P4HA1: variants seen among roughly 807,000 people sequenced by gnomAD.
The protein encoded by P4HA1 is prolyl 4-hydroxylase subunit alpha-1.
In P4HA1, 24 loss-of-function variants were observed where a neutral mutation model predicts 72.8. The observed-to-expected ratio is 0.33, with a 90% CI of 0.24 to 0.46. The LOEUF (loss-of-function observed/expected upper bound fraction) is 0.46. P4HA1 is among the 20% of genes least tolerant of loss of function. The probability of loss-of-function intolerance (pLI) is 1.00; values close to 1 mark genes in which losing one functional copy is unlikely to be tolerated. For synonymous variants in P4HA1, 201 were observed against 218.8 expected, an observed-to-expected ratio of 0.92 and a Z score of 0.72; for missense variants, 446 against 640.6, an observed-to-expected ratio of 0.70 and a Z score of 3.28.
At chr10:73,075,388 T>C (rs1357892376) in intron 1 of P4HA1, among the ~76,000 whole-genome samples, 2 of 152,124 alleles carry the variant, frequency 1.3e-5, no homozygotes, top group Non-Finnish European at 2.9e-5. Context: ...GGATTATAAG[T>C]GTGAGCCAAC....
At chr10:73,082,014 T>C (rs1334277242) in intron 1 of P4HA1, among the ~76,000 whole-genome samples, 2 of 152,348 alleles carry the variant, frequency 1.3e-5, no homozygotes, top group Middle Eastern at 3.4e-3. Context: ...AGACTCCGTC[T>C]CAAAACAAAA....
rs202243570 is a variant in P4HA1, at chr10:73,053,505, C to T, written c.549G>A (p.Thr183=). The T allele has an allele frequency of 1.3e-4, 211 of 1,613,900 alleles. No individual in the cohort carries two copies. Among genetic ancestry groups the T allele is most frequent in the Middle Eastern group, 1.6e-4 (1 of 6,084 alleles). The change falls in exon 6 of 15, where the codon ACG becomes ACA. Residue 183 remains threonine, a synonymous_variant. Coordinates refer to ENST00000394890, the MANE Select transcript of P4HA1 (RefSeq NM_001017962.3). ...TTAGGGCTTGTTCCATCCACAGTTC[C>T]GTATGGTAATAATCTGCTTCTGTAT... ...VAYTEADYYH[T]ELWMEQALRQ...
chr10:73,009,880 A>T lies in P4HA1; in HGVS notation c.1461T>A (p.Asn487Lys). ...AATCTCCTTCTCCACTGGCAAACAG[A>T]TTATACCAGAAAACAGCAGTTCCCT... ...PKKGTAVFWY[N>K]LFASGEGDYS... is the part of the protein sequence containing the mutation. Residue 487 changes from asparagine to lysine, a missense_variant, in exon 14 of 15, where the codon AAT becomes AAA. By Grantham distance (94) the Asn-to-Lys change is moderately conservative. Coordinates refer to ENST00000394890, the MANE Select transcript of P4HA1 (RefSeq NM_001017962.3). The T allele has an allele frequency of 6.2e-7, 1 of 1,607,994 alleles. No homozygotes were observed. The highest frequency in any genetic ancestry group is 2.2e-5 in the East Asian group (1 of 44,844).
chr10:73,031,255 G>A (rs1163105378), intron 9 of P4HA1, among the ~76,000 whole-genome samples: 1 of 152,150 alleles, frequency 6.6e-6, no homozygotes, highest in African/African-American at 2.4e-5. Context: ...AGGCTGAGGT[G>A]GAAAGGTCTC....
At position 73,008,094 on chromosome 10, in the gene P4HA1, G is replaced by T; in HGVS notation, c.*128C>A. 1 of 549,318 alleles carries T rather than the reference G, an allele frequency of 1.8e-6. No individual in the cohort carries two copies. Among genetic ancestry groups the T allele is most frequent in the East Asian group, 2.7e-5 (1 of 37,020 alleles). 34.0% of individuals were successfully genotyped at this position (549,318 alleles called of 1,614,324 possible). A position where few individuals can be genotyped will look rare whatever the true frequency, so the allele number is the denominator to read the frequency against. On this transcript the variant is annotated 3_prime_UTR_variant, in exon 15 of 15. Transcript: ENST00000394890. ...GCAATTGTCCACAGATGAAACATGG[G>T]ATGAGGTTCATGACTGAATCAATCA... is the stretch of plus-strand genomic sequence containing the variant.
At chr10:73,046,866 A>C (rs549775515) in intron 8 of P4HA1, 59 bp downstream of exon 8, 1 of 1,272,868 alleles carries the variant, frequency 7.9e-7, no homozygotes, top group South Asian at 1.3e-5. Flanking sequence ...TTTTTTTACA[A>C]AGAAAAATTG....
At chr10:73,067,247 C>T (rs1841445836) in intron 5 of P4HA1, among the ~76,000 whole-genome samples, 1 of 152,186 alleles carries the variant, frequency 6.6e-6, no homozygotes, top group African/African-American at 2.4e-5. Context: ...TACTATTCTA[C>T]TCTAATAAGT....
intron 1 of P4HA1, among the ~76,000 whole-genome samples, chr10:73,081,819 G>A (rs1481205442): frequency 1.3e-5 from 2 of 152,188 alleles, no homozygotes; most frequent in Non-Finnish European, 2.9e-5. Flanking sequence ...CGGATCACGA[G>A]GTCAGGAGTT....
At chr10:73,089,119 T>C (rs950499791) in intron 1 of P4HA1, among the ~76,000 whole-genome samples, 4 of 152,212 alleles carry the variant, frequency 2.6e-5, no homozygotes, top group African/African-American at 9.6e-5. Flanking sequence ...TCCATGAACA[T>C]GATATAATCA....
intron 5 of P4HA1, among the ~76,000 whole-genome samples, chr10:73,056,279 A>G (rs1841145893): frequency 6.6e-6 from 1 of 152,238 alleles, no homozygotes; most frequent in Admixed American, 6.5e-5. Flanking sequence ...ATTAAGAAAG[A>G]TAATTTCAAT....
chr10:73,072,076 G>A lies in P4HA1; in HGVS notation c.278C>T (p.Thr93Ile), dbSNP rs200341359. ...NAFKLMKRLN[T>I]EWSELENLVL... is the part of the protein sequence containing the mutation. ...CAGATTCTCCAACTCACTCCACTCAGTATTCAGACGTTTCATTAATTTGAA... is the reference window on the plus strand; with the variant it reads ...CAGATTCTCCAACTCACTCCACTCAATATTCAGACGTTTCATTAATTTGAA... Residue 93 changes from threonine to isoleucine, a missense_variant, in exon 4 of 15, where the codon ACT (threonine) becomes ATT (isoleucine). By Grantham distance (89) the Thr-to-Ile change is moderately conservative (BLOSUM62 -1). Coordinates refer to ENST00000394890, the MANE Select transcript of P4HA1 (RefSeq NM_001017962.3). The A allele has an allele frequency of 2.1e-5, 34 of 1,612,890 alleles. No individual in the cohort carries two copies. Among genetic ancestry groups the A allele is most frequent in the Admixed American group, 5.0e-5 (3 of 59,986 alleles).
chr10:73,096,232 T>TC (rs1842162063), intron 1 of P4HA1, among the ~76,000 whole-genome samples: 1 of 150,952 alleles, frequency 6.6e-6, no homozygotes, highest in Non-Finnish European at 1.5e-5. Flanking sequence ...TCTGGGGAGG[T>TC]CCCCCCAGCT....
intron 7 of P4HA1, among the ~76,000 whole-genome samples, chr10:73,050,165 CAAAAAA>C: frequency 1.2e-5 from 1 of 83,052 alleles, no homozygotes; most frequent in Middle Eastern, 8.6e-3. Flanking sequence ...GTTTCTGTCT[CAAAAAA>C]AAAAAAAAAA....
intron 1 of P4HA1, among the ~76,000 whole-genome samples, chr10:73,079,999 G>A (rs1272496552): frequency 6.6e-6 from 1 of 152,062 alleles, no homozygotes; most frequent in Non-Finnish European, 1.5e-5. Flanking sequence ...GTGAACTTGG[G>A]GCTCTCCTGT....
chr10:73,011,393 T>A lies in P4HA1; in HGVS notation c.1369-356A>T, dbSNP rs1050112013. ...TGTATTTTATTGTATTAGAATGTAATCTCCATGGAGGCAGGAATTTTCATC... is the reference window on the plus strand; with the variant it reads ...TGTATTTTATTGTATTAGAATGTAAACTCCATGGAGGCAGGAATTTTCATC... On this transcript the variant is annotated intron_variant, in intron 12 of 14. Transcript: ENST00000394890. Among the ~76,000 whole-genome samples the A allele has an allele frequency of 2.0e-5, 3 of 152,134 alleles. No individual in the cohort carries two copies. In the East Asian group the frequency reaches 5.8e-4, roughly 29 times the overall value.
chr10:73,065,411 T>C (rs968397218), intron 5 of P4HA1: 1 of 152,150 alleles, frequency 6.6e-6, no homozygotes, highest in Non-Finnish European at 1.5e-5. Flanking sequence ...TTTCAAAAGA[T>C]AGGCCCAAAG....
Position 73,073,813 on chromosome 10 carries a change from A to T in P4HA1, c.91T>A (p.Leu31Met). 1 of 1,552,772 alleles carries T rather than the reference A, an allele frequency of 6.4e-7. No homozygotes were observed. Among genetic ancestry groups the T allele is most frequent in the East Asian group, 2.2e-5 (1 of 44,528 alleles). The change falls in exon 3 of 15, where the codon TTG becomes ATG. Residue 31 changes from leucine (L) to methionine (M), a missense_variant. Physicochemically the swap from Leu to Met is conservative, Grantham distance 15. Transcript: ENST00000394890. The stretch of plus-strand genomic sequence containing the variant: ...ACCAGATCTTTCTCAGTATGGATCA[A>T]ATCAGTCATCTGACCTAGAAGGGGA... ...FFTSIGQMTD[L>M]IHTEKDLVTS...
intron 14 of P4HA1, 22 bp downstream of exon 14, chr10:73,009,785 G>C (rs199578638): frequency 1.5e-6 from 2 of 1,327,708 alleles, no homozygotes; most frequent in South Asian, 1.2e-5. Context: ...CATTATCTTC[G>C]CAGAATATAT....
intron 4 of P4HA1, 30 bp from the exon 5 acceptor site, chr10:73,069,013 AC>A (rs1841488762): frequency 6.4e-7 from 1 of 1,551,276 alleles, no homozygotes; most frequent in Non-Finnish European, 8.8e-7. Flanking sequence ...AGAAAAAAAA[AC>A]TGTAGAACCT....
Sources: gnomAD v4.1 joint callset for allele counts (sites outside exome capture counted in the v4.1 genomes callset) on GRCh38, gnomAD v4.1.1 for gene constraint, MANE v1.5 for transcripts, NCBI Gene and HGNC (gene_info 2026-07-23, HGNC 2026-07-21) for gene names.